PPEF2: variants seen among roughly 807,000 people sequenced by gnomAD.
PPEF2 encodes the protein protein phosphatase with EF-hand domain 2.
A neutral mutation model predicts 84.7 loss-of-function variants in PPEF2; 84 were observed. The observed-to-expected ratio is 0.99, with a 90% CI of 0.83 to 1.19. The LOEUF (loss-of-function observed/expected upper bound fraction) is 1.19, where lower values mean the gene tolerates loss of function less well. Ranked by LOEUF, PPEF2 falls within the 50% of genes most tolerant of loss-of-function variation. The pLI is 0.00. For synonymous variants in PPEF2, 346 were observed against 345.2 expected (o/e 1.00, Z -0.03); for missense variants, 924 against 937.5 (o/e 0.99, Z 0.19).
chr4:75,864,461 T>C lies in PPEF2; in HGVS notation c.1987A>G (p.Ile663Val). ...TTACCTGAATGATCACTGTCTATGA[T>C]CCTAAAAATGGTCTCTAGGTTGGAT... Reference protein sequence around the residue: ...NRSNLETIFRIIDSDHSGFIS... With the variant: ...NRSNLETIFRVIDSDHSGFIS... The change falls in exon 16 of 17, where the codon ATC (isoleucine) becomes GTC (valine). Residue 663 changes from isoleucine (I) to valine (V), a missense_variant. Physicochemically the swap from Ile to Val is conservative, Grantham distance 29. Transcript: ENST00000286719. The C allele has an allele frequency of 6.2e-7, 1 of 1,608,960 alleles. No homozygotes were observed.
intron 11 of PPEF2, among the ~76,000 whole-genome samples, chr4:75,875,530 G>A (rs1724386607): frequency 6.6e-6 from 1 of 152,050 alleles, no homozygotes; most frequent in Admixed American, 6.5e-5. Flanking sequence ...GATCATCTGA[G>A]CCTGGGAAGT....
rs112685416 is a variant in PPEF2 at position 75,884,626 on chromosome 4, T to C, written c.714A>G (p.Arg238=). 1.2e-5 allele frequency: 19 copies of C among 1,611,468 alleles called. No individual in the cohort carries two copies. In the African/African-American group the frequency reaches 2.1e-4, roughly 18 times the overall value. ...LVYPKEFHLN[R]GNHEDHMVNL... ...TCACCATATGGTCCTCATGGTTTCC[T>C]CTGTTAAGATGGAACTCTTTGGGGT... The change falls in exon 8 of 17, where the codon AGA becomes AGG. Residue 238 remains arginine, a synonymous_variant. Transcript: ENST00000286719.
Position 75,866,370 on chromosome 4 carries a change from C to A in PPEF2, c.1757-18G>T. ...GATTAAACCTACAGGTGAGAGCTAA[C>A]CTGTTGCCTTGTCACCTAGAAGTCT... On this transcript the variant is annotated intron_variant, in intron 14 of 16. Transcript: ENST00000286719. 1 of 1,609,484 alleles carries A rather than the reference C, an allele frequency of 6.2e-7. No individual in the cohort carries two copies. The highest frequency in any genetic ancestry group is 2.2e-5 in the East Asian group (1 of 44,842).
chr4:75,872,723 A>G lies in PPEF2; in HGVS notation c.1506+404T>C, dbSNP rs574717566. Among the ~76,000 whole-genome samples, 8 of 152,348 alleles carry G rather than the reference A, an allele frequency of 5.3e-5. No individual in the cohort carries two copies. The South Asian group carries it at 1.7e-3, about 32-fold the overall frequency. On this transcript the variant is annotated intron_variant, in intron 12 of 16. Coordinates refer to ENST00000286719, the MANE Select transcript of PPEF2 (RefSeq NM_006239.3). Reference sequence around the variant, plus strand: ...AAACTTGTACAATATAACCAGTGGTATTAGGTGAGACAAATATTGTAGGAT... The same window carrying G: ...AAACTTGTACAATATAACCAGTGGTGTTAGGTGAGACAAATATTGTAGGAT...
At chr4:75,886,201 G>T (rs796524542) in intron 7 of PPEF2, among the ~76,000 whole-genome samples, 2 of 152,100 alleles carry the variant, frequency 1.3e-5, no homozygotes, top group Non-Finnish European at 1.5e-5. Flanking sequence ...TCAGAATCCC[G>T]CCCAGGCTGA....
intron 2 of PPEF2, among the ~76,000 whole-genome samples, chr4:75,892,539 CAAAT>C (rs562717116): frequency 3.2e-4 from 48 of 152,276 alleles, no homozygotes; most frequent in African/African-American, 1.1e-3. Context: ...AACGAATACT[CAAAT>C]GAATGCATCA....
intron 10 of PPEF2, chr4:75,882,674 T>A (rs1038836579): frequency 2.6e-5 from 9 of 345,530 alleles, no homozygotes; most frequent in Non-Finnish European, 4.7e-5. Flanking sequence ...AGTTTTTAAT[T>A]TTTTTATAGA....
At chr4:75,900,620 G>A (rs959883401) in intron 1 of PPEF2, among the ~76,000 whole-genome samples, 1 of 152,134 alleles carries the variant, frequency 6.6e-6, no homozygotes, top group African/African-American at 2.4e-5. Flanking sequence ...GGGTTGTTAG[G>A]AGTGTGAAGT....
chr4:75,867,433 T>C lies in PPEF2; in HGVS notation c.1650-14A>G. On this transcript the variant is annotated splice_polypyrimidine_tract_variant and intron_variant, in intron 13 of 16. Transcript: ENST00000286719. ...ACTCTGCTAATCCTGGGACAGGAGA[T>C]GAAAAGCGACATTTTAACACACTGG... The C allele has an allele frequency of 6.4e-7, 1 of 1,571,612 alleles. No homozygotes were observed. Among genetic ancestry groups the C allele is most frequent in the Non-Finnish European group, 8.7e-7 (1 of 1,144,186 alleles).
chr4:75,865,129 G>T (rs865874387), intron 15 of PPEF2, among the ~76,000 whole-genome samples: 1 of 152,078 alleles, frequency 6.6e-6, no homozygotes, highest in Non-Finnish European at 1.5e-5. Context: ...TAGAGACGGG[G>T]TTTCTCCATT....
intron 13 of PPEF2, among the ~76,000 whole-genome samples, chr4:75,870,686 A>T (rs1023419913): frequency 1.3e-5 from 2 of 152,152 alleles, no homozygotes; most frequent in African/African-American, 4.8e-5. Context: ...GACTACCTTC[A>T]CTCAAGGACT....
Position 75,876,519 on chromosome 4 carries a change from G to C in PPEF2, c.1088C>G (p.Ser363Cys). The change falls in exon 11 of 17, where the codon TCC (serine) becomes TGC (cysteine). Residue 363 changes from serine (S) to cysteine (C), a missense_variant. Coordinates refer to ENST00000286719, the MANE Select transcript of PPEF2 (RefSeq NM_006239.3). ...SLPSSPLRLG[S>C]YKAQKTSRSS... ...CCTGCTGGTTTTCTGGGCCTTGTAG[G>C]AGCCAAGCCGAAGGGGCGAAGAGGG... 2.5e-6 allele frequency: 4 copies of C among 1,614,134 alleles called. No homozygotes were observed. The highest frequency in any genetic ancestry group is 3.4e-6 in the Non-Finnish European group (4 of 1,180,010).
At position 75,891,840 on chromosome 4, in the gene PPEF2, T is replaced by G. The variant is rs984233114; in HGVS notation, c.183+11A>C. 6.2e-7 allele frequency: 1 copy of G among 1,605,386 alleles called. No individual in the cohort carries two copies. The highest frequency in any genetic ancestry group is 1.3e-5 in the African/African-American group (1 of 74,768). On this transcript the variant is annotated intron_variant, in intron 3 of 16. Transcript: ENST00000286719. ...GAGCAGGAGGCGGCTCCGTCCCACA[T>G]CTCATTGTACCTTGACTTGGTCTTG...
intron 7 of PPEF2, among the ~76,000 whole-genome samples, chr4:75,885,952 T>A (rs1301776182): frequency 1.3e-5 from 2 of 151,518 alleles, no homozygotes; most frequent in Non-Finnish European, 2.9e-5. Flanking sequence ...GAGGTTGCAG[T>A]GAGCCGAGAT....
At chr4:75,879,535 C>G (rs1027057766) in intron 10 of PPEF2, among the ~76,000 whole-genome samples, 1 of 152,160 alleles carries the variant, frequency 6.6e-6, no homozygotes, top group African/African-American at 2.4e-5. Flanking sequence ...TTATCCTTAT[C>G]TTACATATGG....
intron 16 of PPEF2, among the ~76,000 whole-genome samples, chr4:75,862,710 A>T (rs1473756714): frequency 6.6e-6 from 1 of 152,206 alleles, no homozygotes; most frequent in Non-Finnish European, 1.5e-5. Flanking sequence ...GGCAATATAA[A>T]TATGTACAGC....
At chr4:75,867,178 A>G in intron 14 of PPEF2, 135 bp downstream of exon 14, 1 of 578,904 alleles carries the variant, frequency 1.7e-6, no homozygotes, top group East Asian at 3.0e-5. Context: ...TAAGTTGAAT[A>G]AAATGGAGGA....
In PPEF2 at chr4:75,867,398, C is replaced by T. The variant is rs148568890; in HGVS notation, c.1671G>A (p.Ser557=). The change falls in exon 14 of 17, where the codon TCG becomes TCA. Residue 557 remains serine, a synonymous_variant. Transcript: ENST00000286719. The part of the protein sequence containing the change: ...MRQRISRVEE[S]ALRALREKLF... ...GCTTCTCCCTCAGAGCTCTCAGAGC[C>T]GACTCCTCCACTCTGCTAATCCTGG... The T allele has an allele frequency of 2.6e-4, 424 of 1,613,690 alleles. 1 individual carries two copies. The East Asian group carries it at 3.3e-3, about 13-fold the overall frequency.
At chr4:75,898,125 T>TG (rs1221933102) in intron 1 of PPEF2, among the ~76,000 whole-genome samples, 1 of 152,260 alleles carries the variant, frequency 6.6e-6, no homozygotes, top group Non-Finnish European at 1.5e-5. Context: ...AGATCACTCA[T>TG]GCTATTGTTT....
Sources: gnomAD v4.1 joint callset for allele counts (sites outside exome capture counted in the v4.1 genomes callset) on GRCh38, gnomAD v4.1.1 for gene constraint, MANE v1.5 for transcripts, NCBI Gene and HGNC (gene_info 2026-07-23, HGNC 2026-07-21) for gene names.